REEP1: variants seen among roughly 807,000 people sequenced by gnomAD.
REEP1 encodes receptor accessory protein 1, also known as receptor expression-enhancing protein 1.
REEP1 carries 22 observed loss-of-function variants against 40.3 expected under a neutral mutation model. That is an observed-to-expected ratio of 0.55 (90% CI 0.39 to 0.78). The LOEUF (loss-of-function observed/expected upper bound fraction) is 0.78, where lower values mean the gene tolerates loss of function less well. REEP1 is among the 30% of genes least tolerant of loss of function. The probability of loss-of-function intolerance (pLI) is 0.00; values close to 1 mark genes in which losing one functional copy is unlikely to be tolerated. For missense variants in REEP1, 280 were observed against 361.1 expected (o/e 0.78, Z 1.82); for synonymous variants, 116 against 139.2 (o/e 0.83, Z 1.17).
At chr2:86,219,157 A>G (rs1285155772) in intron 8 of REEP1, among the ~76,000 whole-genome samples, 1 of 152,230 alleles carries the variant, frequency 6.6e-6, no homozygotes, top group Non-Finnish European at 1.5e-5. Context: ...TGTCAAGGGT[A>G]TTGGTTTTGG....
intron 6 of REEP1, among the ~76,000 whole-genome samples, chr2:86,229,695 C>T (rs1350380117): frequency 6.6e-6 from 1 of 150,506 alleles, no homozygotes; most frequent in South Asian, 2.1e-4. Context: ...CTGCAACCTC[C>T]GCCTCCCCGA....
At chr2:86,308,267 A>AG (rs1313024733) in intron 1 of REEP1, among the ~76,000 whole-genome samples, 1 of 152,260 alleles carries the variant, frequency 6.6e-6, no homozygotes, top group African/African-American at 2.4e-5. Context: ...TACAGAAAAA[A>AG]GGGGGCAAGC....
chr2:86,299,057 T>C (rs1679142306), intron 1 of REEP1, among the ~76,000 whole-genome samples: 1 of 152,206 alleles, frequency 6.6e-6, no homozygotes, highest in Non-Finnish European at 1.5e-5. Flanking sequence ...CATTGTTCCC[T>C]ACTGCCCAAA....
intron 3 of REEP1, among the ~76,000 whole-genome samples, chr2:86,259,200 G>A (rs1676727010): frequency 6.6e-6 from 1 of 151,168 alleles, no homozygotes; most frequent in Non-Finnish European, 1.5e-5. Context: ...TGAGGCAGGA[G>A]AAGCACTTGA....
intron 2 of REEP1, among the ~76,000 whole-genome samples, chr2:86,269,558 C>T (rs554226533): frequency 1.3e-5 from 2 of 152,116 alleles, no homozygotes; most frequent in Non-Finnish European, 2.9e-5. Context: ...TTGCATTGCT[C>T]TTTTGATTCT....
At chr2:86,311,749 T>C (rs1049242822) in intron 1 of REEP1, among the ~76,000 whole-genome samples, 2 of 152,136 alleles carry the variant, frequency 1.3e-5, no homozygotes, top group African/African-American at 4.8e-5. Flanking sequence ...AGGTTCCAGG[T>C]GGACATGAAT....
At chr2:86,330,784 C>G (rs1450378623) in intron 1 of REEP1, among the ~76,000 whole-genome samples, 1 of 152,120 alleles carries the variant, frequency 6.6e-6, no homozygotes, top group Admixed American at 6.6e-5. Context: ...AAAGGAAATC[C>G]AGTCAGCCTG....
At chr2:86,240,372 G>C (rs540673336) in intron 5 of REEP1, among the ~76,000 whole-genome samples, 2 of 152,372 alleles carry the variant, frequency 1.3e-5, no homozygotes, top group South Asian at 4.1e-4. Context: ...TCATGCCAGA[G>C]TACAGGGCAG....
At chr2:86,255,189 G>A (rs952504180) in intron 3 of REEP1, among the ~76,000 whole-genome samples, 18 of 152,254 alleles carry the variant, frequency 1.2e-4, no homozygotes, top group Non-Finnish European at 2.4e-4. Flanking sequence ...TCTCTTCTAC[G>A]CTGTACACCC....
rs537508480 is a variant in REEP1, at chr2:86,272,981, G to A, written c.106-8940C>T. Among the ~76,000 whole-genome samples, 12 of 152,096 alleles carry A rather than the reference G, an allele frequency of 7.9e-5. No individual in the cohort carries two copies. The East Asian group carries it at 2.1e-3, about 27-fold the overall frequency. ...CTATAAAAAAACACAAAAATTAGCT[G>A]GGCATGGTGATGCACACCTGTAGTC... On this transcript the variant is annotated intron_variant, in intron 2 of 8. Transcript: ENST00000538924.
chr2:86,251,590 C>G (rs1400466096), intron 5 of REEP1: 12 of 339,084 alleles, frequency 3.5e-5, no homozygotes, highest in Non-Finnish European at 6.9e-5. Flanking sequence ...GAAGCACTCT[C>G]TCCCTCTCTC....
intron 1 of REEP1, chr2:86,336,606 A>G (rs989325331): frequency 2.6e-5 from 4 of 152,354 alleles, no homozygotes; most frequent in African/African-American, 7.2e-5. Flanking sequence ...AGCCACGTCT[A>G]TCTCCAAAGG....
rs559518734 is a variant in REEP1, at chr2:86,245,986, G to C, written c.417+5971C>G. Reference sequence around the variant, plus strand: ...TCACCATGTTAGCCAGGATGGTCTCGATCTCCTGACCTCGTGATCCGCCCG... The same window carrying C: ...TCACCATGTTAGCCAGGATGGTCTCCATCTCCTGACCTCGTGATCCGCCCG... On this transcript the variant is annotated intron_variant, in intron 5 of 8. Coordinates refer to ENST00000538924, the MANE Select transcript of REEP1 (RefSeq NM_001371279.1). Among the ~76,000 whole-genome samples the C allele has an allele frequency of 4.6e-5, 7 of 152,070 alleles. No homozygotes were observed. The East Asian group carries it at 5.8e-4, about 13-fold the overall frequency.
intron 1 of REEP1, among the ~76,000 whole-genome samples, chr2:86,288,467 C>A (rs887785091): frequency 6.6e-6 from 1 of 152,104 alleles, no homozygotes; most frequent in African/African-American, 2.4e-5. Flanking sequence ...TTTTTAGATT[C>A]TTTTTAACTA....
intron 1 of REEP1, among the ~76,000 whole-genome samples, chr2:86,319,188 T>C (rs1475165492): frequency 6.6e-6 from 1 of 152,174 alleles, no homozygotes; most frequent in African/African-American, 2.4e-5. Flanking sequence ...CACAGATTCC[T>C]GGGCCCTAAC....
At chr2:86,312,689 T>C (rs1027151043) in intron 1 of REEP1, among the ~76,000 whole-genome samples, 4 of 152,232 alleles carry the variant, frequency 2.6e-5, no homozygotes, top group African/African-American at 7.2e-5. Flanking sequence ...AAACCTCTGA[T>C]TGCTTATCTG....
chr2:86,227,225 A>G (rs1261555403), intron 7 of REEP1, 138 bp downstream of exon 7: 7 of 586,276 alleles, frequency 1.2e-5, no homozygotes, highest in Non-Finnish European at 1.8e-5. Flanking sequence ...GTTTGCTGTT[A>G]TAAAGGGTTA....
chr2:86,286,517 A>AT (rs1328942064), intron 1 of REEP1, among the ~76,000 whole-genome samples: 1 of 152,190 alleles, frequency 6.6e-6, no homozygotes, highest in Non-Finnish European at 1.5e-5. Context: ...ATCAAGGGTC[A>AT]TTTTTTGAAC....
intron 1 of REEP1, among the ~76,000 whole-genome samples, chr2:86,306,110 A>G (rs555870722): frequency 7.9e-5 from 12 of 152,078 alleles, no homozygotes; most frequent in African/African-American, 2.9e-4. Context: ...CTCCCTCCCC[A>G]TCACCTTTGA....
Sources: gnomAD v4.1 joint callset for allele counts (sites outside exome capture counted in the v4.1 genomes callset) on GRCh38, gnomAD v4.1.1 for gene constraint, MANE v1.5 for transcripts, NCBI Gene and HGNC (gene_info 2026-07-23, HGNC 2026-07-21) for gene names.